The following PREPL variants were observed in gnomAD, a reference collection of about 807,000 sequenced individuals.
PREPL encodes prolyl endopeptidase like, also known as prolyl endopeptidase-like.
PREPL carries 77 observed loss-of-function variants against 70.6 expected under a neutral mutation model. The ratio of observed to expected loss-of-function variants is 1.09; its 90% CI spans 0.91 to 1.32. The LOEUF (loss-of-function observed/expected upper bound fraction) is 1.32, where lower values mean the gene tolerates loss of function less well. Among genes scored for constraint, PREPL ranks in the 40% most tolerant of loss-of-function variants. The pLI, the probability that PREPL is intolerant of heterozygous loss-of-function variation, is 0.00. For missense variants in PREPL, 1,002 were observed against 778.2 expected, an observed-to-expected ratio of 1.29 and a Z score of -3.42; for synonymous variants, 315 against 264.8, an observed-to-expected ratio of 1.19 and a Z score of -1.84.
Position 44,320,181 on chromosome 2 carries a change from A to G in PREPL, c.*1175T>C. 1 of 1,592,296 alleles carries G rather than the reference A, an allele frequency of 6.3e-7. No homozygotes were observed. Among genetic ancestry groups the G allele is most frequent in the East Asian group, 2.2e-5 (1 of 44,706 alleles). The stretch of plus-strand genomic sequence containing the variant: ...CTTAGAATCAAACACTTACGTAAAT[A>G]CTTTTTTAAAAAAATAGGTCCAAAA... On this transcript the variant is annotated 3_prime_UTR_variant, in exon 14 of 14. Transcript: ENST00000409411.
In PREPL at chr2:44,342,423, T is replaced by C. The variant is rs773228752; in HGVS notation, c.479A>G (p.Asp160Gly). Residue 160 changes from aspartate (D) to glycine (G), a missense_variant, in exon 5 of 14, where the codon GAC becomes GGC. Asp to Gly is a moderately conservative substitution (Grantham distance 94). Transcript: ENST00000409411. ...KRNERFYTEK[D>G]PSYFVFLYLT... ...AATTATATTATTCTAGTACCTTGGG[T>C]CTTTTTCTGTGTAAAAGCGTTCATT... 1 of 1,610,366 alleles carries C rather than the reference T, an allele frequency of 6.2e-7. No individual in the cohort carries two copies. The highest frequency in any genetic ancestry group is 8.5e-7 in the Non-Finnish European group (1 of 1,178,024).
intron 8 of PREPL, among the ~76,000 whole-genome samples, 160 bp downstream of exon 8, chr2:44,332,299 A>C (rs569833006): frequency 7.2e-5 from 11 of 152,064 alleles, no homozygotes; most frequent in Admixed American, 1.3e-4. Flanking sequence ...TATTAAGGTT[A>C]AAAAAAATTC....
At chr2:44,357,753 A>T (rs1302661706) in intron 1 of PREPL, among the ~76,000 whole-genome samples, 2 of 152,230 alleles carry the variant, frequency 1.3e-5, no homozygotes, top group Admixed American at 1.3e-4. Context: ...ACGACATGAC[A>T]AAATGTTCTA....
At chr2:44,344,937 G>A (rs1255137022) in intron 2 of PREPL, among the ~76,000 whole-genome samples, 2 of 152,116 alleles carry the variant, frequency 1.3e-5, no homozygotes, top group African/African-American at 4.8e-5. Context: ...AAATCAAGTG[G>A]CATCTTTAAG....
chr2:44,338,236 A>T (rs921871239), intron 7 of PREPL, 115 bp downstream of exon 7: 1 of 994,152 alleles, frequency 1.0e-6, no homozygotes, highest in Non-Finnish European at 1.5e-6. Context: ...CATTTAAGTT[A>T]CATTCCTTTC....
chr2:44,320,661 G>C lies in PREPL; in HGVS notation c.*695C>G, dbSNP rs761541250. ...TTAGGCACCTTTATGAAGAGATGAA[G>C]ACACTGGCATTTCAGTGGGATTGTA... On this transcript the variant is annotated 3_prime_UTR_variant, in exon 14 of 14. Transcript: ENST00000409411. 2 of 1,579,984 alleles carry C rather than the reference G, an allele frequency of 1.3e-6. No individual in the cohort carries two copies.
chr2:44,322,863 A>C lies in PREPL; in HGVS notation c.1630-9T>G, dbSNP rs2103687702. On this transcript the variant is annotated splice_polypyrimidine_tract_variant and intron_variant, in intron 11 of 13. Coordinates refer to ENST00000409411, the MANE Select transcript of PREPL (RefSeq NM_001171613.2). ...TGAATTGAAGGATAATGCTGAAAGAAAATACATGCACGAAGAGTTTACATT... is the reference window on the plus strand; with the variant it reads ...TGAATTGAAGGATAATGCTGAAAGACAATACATGCACGAAGAGTTTACATT... The C allele has an allele frequency of 6.2e-7, 1 of 1,612,842 alleles. No homozygotes were observed. The highest frequency in any genetic ancestry group is 1.1e-5 in the South Asian group (1 of 90,950).
chr2:44,331,185 C>T (rs979495741), intron 8 of PREPL, among the ~76,000 whole-genome samples: 4 of 152,182 alleles, frequency 2.6e-5, no homozygotes, highest in African/African-American at 9.7e-5. Context: ...TCAAGTGATC[C>T]TCCCAGCTTG....
In PREPL at chr2:44,319,882, A is replaced by C; in HGVS notation, c.*1474T>G. The C allele has an allele frequency of 3.4e-6, 1 of 293,362 alleles. No individual in the cohort carries two copies. Among genetic ancestry groups the C allele is most frequent in the South Asian group, 4.1e-5 (1 of 24,148 alleles). 18.2% of individuals were successfully genotyped at this position (293,362 alleles called of 1,614,324 possible). ...CACAGAATGACTATGCAAGTTAAAT[A>C]TTCATCTTAGACATGGACATTTGCT... On this transcript the variant is annotated 3_prime_UTR_variant, in exon 14 of 14. Coordinates refer to ENST00000409411, the MANE Select transcript of PREPL (RefSeq NM_001171613.2).
chr2:44,326,349 T>A (rs1673483684), intron 10 of PREPL, among the ~76,000 whole-genome samples: 1 of 151,970 alleles, frequency 6.6e-6, no homozygotes, highest in African/African-American at 2.4e-5. Flanking sequence ...ACTCCTATGC[T>A]ATGGTAAAAC....
In PREPL at chr2:44,318,063, G is replaced by A; in HGVS notation, c.*3293C>T. 2 of 432,400 alleles carry A rather than the reference G, an allele frequency of 4.6e-6. No homozygotes were observed. The highest frequency in any genetic ancestry group is 1.6e-5 in the South Asian group (1 of 61,494). 26.8% of individuals were successfully genotyped at this position (432,400 alleles called of 1,614,324 possible). A position where few individuals can be genotyped will look rare whatever the true frequency, so the allele number is the denominator to read the frequency against. On this transcript the variant is annotated 3_prime_UTR_variant, in exon 14 of 14. Coordinates refer to ENST00000409411, the MANE Select transcript of PREPL (RefSeq NM_001171613.2). ...CTAATACTTAGAAATATTTGCACAT[G>A]TGCACAATAATACTTAAAGGATCTC...
At chr2:44,333,237 A>G (rs566978876) in intron 7 of PREPL, among the ~76,000 whole-genome samples, 1 of 152,360 alleles carries the variant, frequency 6.6e-6, no homozygotes, top group African/African-American at 2.4e-5. Context: ...CTTCTGGCAC[A>G]TCTACTCTGA....
chr2:44,328,143 A>G (rs1673713974), intron 9 of PREPL, among the ~76,000 whole-genome samples: 1 of 151,790 alleles, frequency 6.6e-6, no homozygotes, highest in African/African-American at 2.4e-5. Context: ...AAAATTAGTC[A>G]GGAGTTATGG....
chr2:44,355,821 G>A (rs542151566), intron 1 of PREPL, among the ~76,000 whole-genome samples: 114 of 150,588 alleles, frequency 7.6e-4, no homozygotes, highest in African/African-American at 2.7e-3. Flanking sequence ...TGCAGGAGCT[G>A]CTAACCTGTA....
chr2:44,320,482 A>G lies in PREPL; in HGVS notation c.*874T>C, dbSNP rs1430017767. On this transcript the variant is annotated 3_prime_UTR_variant, in exon 14 of 14. Coordinates refer to ENST00000409411, the MANE Select transcript of PREPL (RefSeq NM_001171613.2). The stretch of plus-strand genomic sequence containing the variant: ...TCTGCCGACAAAGGCAGTAAAGTTG[A>G]TACAAGTGGCATTTTTCTGGACAAG... 1 of 1,614,176 alleles carries G rather than the reference A, an allele frequency of 6.2e-7. No individual in the cohort carries two copies. The highest frequency in any genetic ancestry group is 2.2e-5 in the East Asian group (1 of 44,886).
chr2:44,318,126 C>T lies in PREPL; in HGVS notation c.*3230G>A, dbSNP rs568044192. On this transcript the variant is annotated 3_prime_UTR_variant, in exon 14 of 14. Transcript: ENST00000409411. Reference sequence around the variant, plus strand: ...TTTTTTTTTTGAGACAGTCTTGCTCCGTCACCCATGCTCGAGTGCAGTGGC... The same window carrying T: ...TTTTTTTTTTGAGACAGTCTTGCTCTGTCACCCATGCTCGAGTGCAGTGGC... 88 of 443,322 alleles carry T rather than the reference C, an allele frequency of 2.0e-4. 1 individual carries two copies. The highest frequency in any genetic ancestry group is 9.2e-4 in the South Asian group (58 of 63,356). The allele number at this position is 443,322 out of a possible 1,614,324, so 27.5% of individuals were successfully genotyped here.
In PREPL at chr2:44,326,764, G is replaced by C. The variant is rs1558488294; in HGVS notation, c.1427C>G (p.Ala476Gly). 6.2e-7 allele frequency: 1 copy of C among 1,614,130 alleles called. No homozygotes were observed. Among genetic ancestry groups the C allele is most frequent in the Non-Finnish European group, 8.5e-7 (1 of 1,180,024 alleles). The change falls in exon 10 of 14, where the codon GCA becomes GGA. Residue 476 changes from alanine (A) to glycine (G), a missense_variant. Physicochemically the swap from Ala to Gly is moderately conservative, Grantham distance 60 (BLOSUM62 0). Transcript: ENST00000409411. ...LTAFSAGGVL[A>G]GALCNSNPEL... ...TGGATTAGAATTACACAATGCTCCTGCAAGCACCCCTCCAGCACTGAAAGC... is the reference window on the plus strand; with the variant it reads ...TGGATTAGAATTACACAATGCTCCTCCAAGCACCCCTCCAGCACTGAAAGC...
Position 44,343,773 on chromosome 2 carries a change from T to G in PREPL, c.321A>C (p.Glu107Asp). The G allele has an allele frequency of 6.2e-7, 1 of 1,613,964 alleles. No individual in the cohort carries two copies. Among genetic ancestry groups the G allele is most frequent in the Middle Eastern group, 1.7e-4 (1 of 6,060 alleles). ...IIKLSDQPVM[E>D]ASFPNVSSFE... ...AACTGGACACATTCGGGAAAGAAGC[T>G]TCCATTACGGGCTGATCGCTGAGCT... The change falls in exon 4 of 14, where the codon GAA (glutamate) becomes GAC (aspartate). Residue 107 changes from glutamate (E) to aspartate (D), a missense_variant. Physicochemically the swap from Glu to Asp is conservative, Grantham distance 45 (BLOSUM62 2). Transcript: ENST00000409411.
At chr2:44,361,831 C>G (rs1207573815), upstream of PREPL, 42 of 1,239,130 alleles carry the variant, frequency 3.4e-5, no homozygotes, top group African/African-American at 4.8e-5. Context: ...CAGCTCGGCC[C>G]TGGTTGCCAA....
Sources: allele counts gnomAD v4.1 joint callset (sites outside exome capture counted in the v4.1 genomes callset), GRCh38; gene constraint gnomAD v4.1.1; transcripts MANE v1.5; gene names NCBI Gene and HGNC (gene_info 2026-07-23, HGNC 2026-07-21).